FGD4: variants seen among roughly 807,000 people sequenced by gnomAD.
FGD4 encodes FYVE, RhoGEF and PH domain containing 4, also known as FYVE, RhoGEF and PH domain-containing protein 4.
FGD4 carries 42 observed loss-of-function variants against 102.0 expected under a neutral mutation model. That is an observed-to-expected ratio of 0.41 (90% CI 0.32 to 0.53). The LOEUF (loss-of-function observed/expected upper bound fraction) is 0.53. FGD4 is among the 20% of genes least tolerant of loss of function. FGD4 has a pLI of 0.21. For synonymous variants in FGD4, 380 were observed against 375.7 expected, an observed-to-expected ratio of 1.01 and a Z score of -0.13; for missense variants, 902 against 1,078.2, an observed-to-expected ratio of 0.84 and a Z score of 2.29.
chr12:32,441,297 C>T (rs1942427441), intron 1 of FGD4, among the ~76,000 whole-genome samples: 1 of 152,140 alleles, frequency 6.6e-6, no homozygotes, highest in Non-Finnish European at 1.5e-5. Flanking sequence ...CCAAAGCCCT[C>T]AGTGTAGTAC....
chr12:32,425,248 A>G (rs570323599), intron 1 of FGD4, among the ~76,000 whole-genome samples: 43 of 152,224 alleles, frequency 2.8e-4, no homozygotes, highest in African/African-American at 9.6e-4. Context: ...CATTTTTTGT[A>G]TAAGGTGTAA....
At chr12:32,637,728 C>G in intron 15 of FGD4, 1 of 152,162 alleles carries the variant, frequency 6.6e-6, no homozygotes, top group Non-Finnish European at 1.5e-5. Flanking sequence ...TGGTGGCAAG[C>G]GAGAGTGAGC....
intron 1 of FGD4, among the ~76,000 whole-genome samples, chr12:32,453,199 A>ATT (rs1273299981): frequency 0.081 from 4,923 of 61,016 alleles, 344 homozygotes; most frequent in African/African-American, 0.17. Context: ...TTATATATAT[A>ATT]TTATATATAT....
At chr12:32,516,260 A>C (rs1051585832) in intron 1 of FGD4, among the ~76,000 whole-genome samples, 1 of 152,140 alleles carries the variant, frequency 6.6e-6, no homozygotes, top group Non-Finnish European at 1.5e-5. Context: ...ACTCCTGAGC[A>C]TCTGAGGCAG....
intron 5 of FGD4, among the ~76,000 whole-genome samples, chr12:32,599,534 C>CTTT (rs764106230): frequency 0.066 from 2,349 of 35,342 alleles, 763 homozygotes; most frequent in East Asian, 0.23. Context: ...ACTAAGGCAT[C>CTTT]TTTTTTTTTT....
At chr12:32,453,207 TA>T (rs1942841092) in intron 1 of FGD4, among the ~76,000 whole-genome samples, 2 of 44,668 alleles carry the variant, frequency 4.5e-5, no homozygotes, top group Non-Finnish European at 1.4e-4. Context: ...ATATTATATA[TA>T]TATATATATA....
rs1465386704 is a variant in FGD4 at position 32,453,218 on chromosome 12, ATAATATAGATATATATATAT to A, written c.166+53261_166+53280del. ...ATATATATTATATATATATATATAT[ATAATATAGATATATATATAT>A]TTTTTTTTTTTTAAATGTAGAGCCT... is the stretch of plus-strand genomic sequence containing the variant. On this transcript the variant is annotated intron_variant, in intron 1 of 16. Transcript: ENST00000534526. Among the ~76,000 whole-genome samples, 4 of 45,028 alleles carry A rather than the reference ATAATATAGATATATATATAT, an allele frequency of 8.9e-5. No homozygotes were observed. In the East Asian group the frequency reaches 1.6e-3, roughly 18 times the overall value. The allele number at this position is 45,028 out of a possible 152,430, so 29.5% of individuals were successfully genotyped here.
At chr12:32,435,367 G>C (rs1469255246) in intron 1 of FGD4, among the ~76,000 whole-genome samples, 1 of 152,104 alleles carries the variant, frequency 6.6e-6, no homozygotes, top group Non-Finnish European at 1.5e-5. Flanking sequence ...TTTCTCTCAG[G>C]CTGTTTATTT....
chr12:32,413,920 C>T (rs997688879), intron 1 of FGD4, among the ~76,000 whole-genome samples: 1 of 149,256 alleles, frequency 6.7e-6, no homozygotes, highest in African/African-American at 2.5e-5. Flanking sequence ...TACTTTTGGA[C>T]AGAAAGATAA....
chr12:32,615,226 A>G (rs924267034), intron 10 of FGD4, among the ~76,000 whole-genome samples: 4 of 152,238 alleles, frequency 2.6e-5, no homozygotes, highest in African/African-American at 9.6e-5. Flanking sequence ...ACAACAGACC[A>G]TATACAGTAT....
At chr12:32,486,825 G>A (rs1943917052) in intron 1 of FGD4, among the ~76,000 whole-genome samples, 1 of 152,022 alleles carries the variant, frequency 6.6e-6, no homozygotes, top group African/African-American at 2.4e-5. Flanking sequence ...TGATGTTTTT[G>A]TTCAGAGAAA....
intron 12 of FGD4, 24 bp downstream of exon 12, chr12:32,624,476 T>C: frequency 6.4e-7 from 1 of 1,571,162 alleles, no homozygotes; most frequent in South Asian, 1.1e-5. Context: ...CTGTTTCCTT[T>C]TCTTTCTTTT....
At chr12:32,537,110 G>A (rs866648230) in intron 1 of FGD4, among the ~76,000 whole-genome samples, 5 of 151,972 alleles carry the variant, frequency 3.3e-5, no homozygotes, top group South Asian at 2.1e-4. Context: ...GGGTTTCACC[G>A]TGTTAGCCAG....
chr12:32,526,466 A>C (rs1416095224), intron 1 of FGD4, among the ~76,000 whole-genome samples: 1 of 152,100 alleles, frequency 6.6e-6, no homozygotes, highest in African/African-American at 2.4e-5. Context: ...GTATCTAACT[A>C]ATCTGATGGG....
At chr12:32,436,303 G>C (rs1361018871) in intron 1 of FGD4, among the ~76,000 whole-genome samples, 1 of 152,298 alleles carries the variant, frequency 6.6e-6, no homozygotes, top group South Asian at 2.1e-4. Flanking sequence ...AGCCTCCCCT[G>C]TTCCATTTAT....
chr12:32,525,914 G>A (rs751040753), intron 1 of FGD4, among the ~76,000 whole-genome samples: 27 of 152,260 alleles, frequency 1.8e-4, no homozygotes, highest in Non-Finnish European at 3.5e-4. Flanking sequence ...TTCCCACGGG[G>A]CAGGGCTCGG....
intron 1 of FGD4, among the ~76,000 whole-genome samples, chr12:32,518,601 G>A (rs192348855): frequency 6.6e-4 from 101 of 152,318 alleles, no homozygotes; most frequent in African/African-American, 2.4e-3. Flanking sequence ...ATTCTGAGGA[G>A]AGAACAGAGA....
At chr12:32,636,858 T>A (rs144011239) in intron 15 of FGD4, among the ~76,000 whole-genome samples, 1 of 151,386 alleles carries the variant, frequency 6.6e-6, no homozygotes, top group Non-Finnish European at 1.5e-5. Context: ...TGTTCCTTTT[T>A]TCAGTATTTT....
intron 1 of FGD4, among the ~76,000 whole-genome samples, chr12:32,560,304 C>T (rs1044798493): frequency 3.1e-4 from 47 of 152,218 alleles, no homozygotes; most frequent in African/African-American, 9.4e-4. Context: ...TGGAGTGCAG[C>T]GCAATGGTGT....
Sources: gnomAD v4.1 joint callset for allele counts (sites outside exome capture counted in the v4.1 genomes callset) on GRCh38, gnomAD v4.1.1 for gene constraint, MANE v1.5 for transcripts, NCBI Gene and HGNC (gene_info 2026-07-23, HGNC 2026-07-21) for gene names.